Variants in TNFSF4 observed in about 807,000 individuals in gnomAD.
TNFSF4 encodes the protein tumor necrosis factor ligand superfamily member 4.
In TNFSF4, 4 loss-of-function variants were observed where a neutral mutation model predicts 7.3. The observed-to-expected ratio is 0.55, with a 90% confidence interval of 0.27 to 1.25. TNFSF4 has a LOEUF of 1.25. Among genes scored for constraint, TNFSF4 ranks in the 50% most tolerant of loss-of-function variants. The pLI, the probability that TNFSF4 is intolerant of heterozygous loss-of-function variation, is 0.12. For missense variants in TNFSF4, 181 were observed against 208.8 expected, an observed-to-expected ratio of 0.87 and a Z score of 0.82; for synonymous variants, 76 against 83.7, an observed-to-expected ratio of 0.91 and a Z score of 0.50.
At chr1:173,196,650 GAGAAATGTCCTATATTTAGGTAAACAATC>G (rs376016061) in intron 1 of TNFSF4, among the ~76,000 whole-genome samples, 11 of 152,178 alleles carry the variant, frequency 7.2e-5, no homozygotes, top group Non-Finnish European at 4.4e-5. Context: ...AGATTCCCAA[GAGAAATGTCCTATATTTAGGTAAACAATC>G]AAATCAACCA....
At chr1:173,222,059 C>T in the TNFSF4 span, among the ~76,000 whole-genome samples, 1 of 152,262 alleles carries the variant, frequency 6.6e-6, no homozygotes, top group South Asian at 2.1e-4. Context: ...TCAGTCATCT[C>T]CAAAGCTACA....
At chr1:173,292,363 CA>C in the TNFSF4 span, among the ~76,000 whole-genome samples, 1 of 152,026 alleles carries the variant, frequency 6.6e-6, no homozygotes, top group South Asian at 2.1e-4. Context: ...CACCACATAA[CA>C]GAATTAAAAA....
the TNFSF4 span, among the ~76,000 whole-genome samples, chr1:173,429,101 A>G: frequency 6.6e-6 from 1 of 152,216 alleles, no homozygotes; most frequent in African/African-American, 2.4e-5. Context: ...AAATCAGGCC[A>G]CATGCTGCTA....
At chr1:173,428,560 A>G in the TNFSF4 span, among the ~76,000 whole-genome samples, 1 of 152,236 alleles carries the variant, frequency 6.6e-6, no homozygotes, top group Non-Finnish European at 1.5e-5. Context: ...AATTGTGCAT[A>G]TGCATTTATG....
At chr1:173,230,733 A>T in the TNFSF4 span, among the ~76,000 whole-genome samples, 4 of 152,202 alleles carry the variant, frequency 2.6e-5, no homozygotes, top group African/African-American at 9.6e-5. Flanking sequence ...ACAATAAAAA[A>T]TGATAAAGGG....
At chr1:173,192,400 T>C (rs1280990989) in intron 1 of TNFSF4, among the ~76,000 whole-genome samples, 1 of 152,142 alleles carries the variant, frequency 6.6e-6, no homozygotes, top group Non-Finnish European at 1.5e-5. Flanking sequence ...AAATGAACTA[T>C]CAAGCTATGA....
At chr1:173,212,833 TTTAA>T in the TNFSF4 span, among the ~76,000 whole-genome samples, 1 of 151,478 alleles carries the variant, frequency 6.6e-6, no homozygotes. Flanking sequence ...TTCACAATTT[TTTAA>T]TTAATTTAAA....
chr1:173,256,521 G>T, the TNFSF4 span, among the ~76,000 whole-genome samples: 1 of 152,132 alleles, frequency 6.6e-6, no homozygotes, highest in Non-Finnish European at 1.5e-5. Flanking sequence ...CATCACATTG[G>T]GGGCTAGGGC....
chr1:173,417,324 GT>G, the TNFSF4 span, among the ~76,000 whole-genome samples: 8 of 152,228 alleles, frequency 5.3e-5, no homozygotes, highest in Admixed American at 4.6e-4. Flanking sequence ...GAGGGTTGAT[GT>G]TATGAGGTAA....
chr1:173,399,317 T>C, the TNFSF4 span, among the ~76,000 whole-genome samples: 1 of 152,240 alleles, frequency 6.6e-6, no homozygotes, highest in Non-Finnish European at 1.5e-5. Context: ...CAGATGATTC[T>C]GCATAATACA....
At chr1:173,363,217 T>C in the TNFSF4 span, 2 of 285,748 alleles carry the variant, frequency 7.0e-6, no homozygotes, top group African/African-American at 2.3e-5. Flanking sequence ...ATGTCTTTGA[T>C]TGTATCGCCA....
At chr1:173,178,937 G>A (rs1209467531), downstream of TNFSF4, among the ~76,000 whole-genome samples, 1 of 152,162 alleles carries the variant, frequency 6.6e-6, no homozygotes, top group African/African-American at 2.4e-5. Context: ...AACTATTGAA[G>A]CAATGGGAGA....
Position 173,184,576 on chromosome 1 carries a change from C to T in TNFSF4, c.*1940G>A, listed in dbSNP as rs1303607776. On this transcript the variant is annotated 3_prime_UTR_variant, in exon 3 of 3. Coordinates refer to ENST00000281834, the MANE Select transcript of TNFSF4 (RefSeq NM_003326.5). ...TCTGTGAGAAATATAGATAAAAATT[C>T]CAAACTTAAAAATGAACCATGCATT... 1 of 152,162 alleles carries T rather than the reference C, an allele frequency of 6.6e-6. No individual in the cohort carries two copies. The highest frequency in any genetic ancestry group is 6.5e-5 in the Admixed American group (1 of 15,278). 9.4% of individuals were successfully genotyped at this position (152,162 alleles called of 1,614,324 possible). A position where few individuals can be genotyped will look rare whatever the true frequency, so the allele number is the denominator to read the frequency against.
the TNFSF4 span, among the ~76,000 whole-genome samples, chr1:173,275,112 G>C: frequency 3.3e-5 from 5 of 152,052 alleles, no homozygotes; most frequent in African/African-American, 7.2e-5. Flanking sequence ...AAACTGATTT[G>C]GACCATTTTT....
downstream of TNFSF4, among the ~76,000 whole-genome samples, chr1:173,179,031 G>A (rs1050277354): frequency 1.1e-4 from 16 of 152,136 alleles, no homozygotes; most frequent in Non-Finnish European, 1.6e-4. Flanking sequence ...GAGTTCTCCC[G>A]AGAGTCTCAA....
downstream of TNFSF4, among the ~76,000 whole-genome samples, chr1:173,181,795 T>C (rs1468740520): frequency 6.6e-6 from 1 of 152,206 alleles, no homozygotes; most frequent in Non-Finnish European, 1.5e-5. Context: ...CTAGGTAATA[T>C]TGACATTTAC....
chr1:173,258,761 C>A, the TNFSF4 span, among the ~76,000 whole-genome samples: 1 of 152,110 alleles, frequency 6.6e-6, no homozygotes, highest in African/African-American at 2.4e-5. Context: ...TTAGGTGGGA[C>A]CCAGATCCGT....
chr1:173,202,066 T>C (rs998043354), intron 1 of TNFSF4, among the ~76,000 whole-genome samples: 5 of 144,470 alleles, frequency 3.5e-5, no homozygotes, highest in African/African-American at 1.3e-4. Context: ...TACATATATA[T>C]ATATACACAC....
At chr1:173,325,955 C>CTCT in the TNFSF4 span, among the ~76,000 whole-genome samples, 1 of 152,190 alleles carries the variant, frequency 6.6e-6, no homozygotes, top group Non-Finnish European at 1.5e-5. Flanking sequence ...GAGCTGGTAC[C>CTCT]ATTCCTTCTA....
Sources: allele counts gnomAD v4.1 joint callset (sites outside exome capture counted in the v4.1 genomes callset), GRCh38; gene constraint gnomAD v4.1.1; transcripts MANE v1.5; gene names NCBI Gene and HGNC (gene_info 2026-07-23, HGNC 2026-07-21).